ZNF536: variants seen among roughly 807,000 people sequenced by gnomAD.
ZNF536 encodes the protein zinc finger protein 536.
ZNF536 carries 13 observed loss-of-function variants against 84.5 expected under a neutral mutation model. The ratio of observed to expected loss-of-function variants is 0.15; its 90% CI spans 0.10 to 0.24. The LOEUF is 0.24. Among genes scored for constraint, ZNF536 ranks in the 10% least tolerant of loss-of-function variants. ZNF536 has a pLI of 1.00. For missense variants in ZNF536, 1,536 were observed against 1,747.5 expected (o/e 0.88, Z 2.16); for synonymous variants, 811 against 742.5 (o/e 1.09, Z -1.50).
At chr19:30,426,633 C>G (rs2051225698) in intron 1 of ZNF536, among the ~76,000 whole-genome samples, 2 of 152,162 alleles carry the variant, frequency 1.3e-5, no homozygotes, top group Non-Finnish European at 2.9e-5. Context: ...ATTTAATGAG[C>G]ACCCACGCCT....
intron 2 of ZNF536, among the ~76,000 whole-genome samples, chr19:30,285,146 C>T (rs2045582997): frequency 6.6e-6 from 1 of 152,164 alleles, no homozygotes; most frequent in South Asian, 2.1e-4. Flanking sequence ...ATTATATTAC[C>T]TTAGTAAAAC....
chr19:30,700,626 A>T (rs543126896), intron 1 of ZNF536, among the ~76,000 whole-genome samples: 1 of 152,226 alleles, frequency 6.6e-6, no homozygotes, highest in African/African-American at 2.4e-5. Context: ...GCCTCCAGCA[A>T]TCCTCCTGCC....
intron 1 of ZNF536, among the ~76,000 whole-genome samples, chr19:30,620,235 C>T (rs2048435388): frequency 6.6e-6 from 1 of 152,094 alleles, no homozygotes; most frequent in South Asian, 2.1e-4. Flanking sequence ...TGTGGTGCTG[C>T]CATAAGGGAA....
chr19:30,688,917 G>A (rs1027217999), intron 1 of ZNF536, among the ~76,000 whole-genome samples: 7 of 152,356 alleles, frequency 4.6e-5, no homozygotes, highest in African/African-American at 1.7e-4. Flanking sequence ...ACTGGCTGCA[G>A]AGAGGGTGGT....
At chr19:30,390,278 A>T (rs1402338588) in intron 1 of ZNF536, among the ~76,000 whole-genome samples, 1 of 152,220 alleles carries the variant, frequency 6.6e-6, no homozygotes, top group Admixed American at 6.5e-5. Flanking sequence ...TGGAACTTAT[A>T]AAATAAAAAA....
At chr19:30,377,681 G>T (rs1423677493) in intron 1 of ZNF536, among the ~76,000 whole-genome samples, 1 of 152,168 alleles carries the variant, frequency 6.6e-6, no homozygotes, top group Non-Finnish European at 1.5e-5. Flanking sequence ...TATTTTGCAA[G>T]AATTGATTTT....
rs1274042804 is a variant in ZNF536 at position 30,580,289 on chromosome 19, AC to A, written c.169+30776del. On this transcript the variant is annotated intron_variant, in intron 1 of 1. Transcript: ENST00000592773. The stretch of plus-strand genomic sequence containing the variant: ...CCCCTTATGCTTTCTGGTTTGTGCT[AC>A]AGGGAAGGGCCCATGCTGAAGAGAC... 7.9e-5 allele frequency among the ~76,000 whole-genome samples: 12 copies of A among 152,242 alleles called. No individual in the cohort carries two copies. In the East Asian group the frequency reaches 2.3e-3, roughly 29 times the overall value.
rs181541728 is a variant in ZNF536, at chr19:30,641,767, C to T, written c.170-68990C>T. Among the ~76,000 whole-genome samples the T allele has an allele frequency of 8.5e-5, 13 of 152,280 alleles. No individual in the cohort carries two copies. In the East Asian group the frequency reaches 1.9e-3, roughly 23 times the overall value. ...TACTCCTCAATGGGAGGTCACTTCC[C>T]GCCAAATCTCAAATCCAAGACAGGA... is the stretch of plus-strand genomic sequence containing the variant. On this transcript the variant is annotated intron_variant, in intron 1 of 1. Transcript: ENST00000592773.
chr19:30,267,332 G>A (rs1871416674), intron 1 of ZNF536, among the ~76,000 whole-genome samples: 1 of 152,046 alleles, frequency 6.6e-6, no homozygotes, highest in Admixed American at 6.5e-5. Context: ...ATATGTAACA[G>A]TGTGACTGTT....
intron 1 of ZNF536, among the ~76,000 whole-genome samples, chr19:30,609,731 C>T: frequency 6.6e-6 from 1 of 151,982 alleles, no homozygotes; most frequent in Non-Finnish European, 1.5e-5. Context: ...TCCATCCATC[C>T]ACCCATCCAT....
chr19:30,708,631 G>C (rs538350222), intron 1 of ZNF536, among the ~76,000 whole-genome samples: 13 of 152,192 alleles, frequency 8.5e-5, no homozygotes, highest in Non-Finnish European at 1.5e-4. Flanking sequence ...ACCTGGTTCT[G>C]AAGTCAGCAT....
chr19:30,226,527 G>A (rs1216743939), upstream of ZNF536, among the ~76,000 whole-genome samples: 15 of 152,086 alleles, frequency 9.9e-5, no homozygotes, highest in Admixed American at 7.2e-4. The surrounding 1 kb of genome is among the most constrained non-coding windows in gnomAD (Gnocchi z 4.6). Flanking sequence ...GCCAGGCTGA[G>A]GCCGGAGAGT....
At position 30,445,557 on chromosome 19, in the gene ZNF536, C is replaced by T. The variant is rs1267767541; in HGVS notation, c.1995C>T (p.His665=). 7 of 1,613,434 alleles carry T rather than the reference C, an allele frequency of 4.3e-6. No homozygotes were observed. Among genetic ancestry groups the T allele is most frequent in the South Asian group, 1.1e-5 (1 of 91,000 alleles). ...GCAAGGGCGAGGAGGATGGGCTGCA[C>T]GTGGGCCTGGATGAGCGGCGTGGCT... ...RDRKGEEDGL[H]VGLDERRGSG... Residue 665 remains histidine (H), a synonymous_variant, in exon 2 of 5, where the codon CAC becomes CAT. Coordinates refer to ENST00000355537, the MANE Select transcript of ZNF536 (RefSeq NM_014717.3). The surrounding 1 kb of genome is among the most constrained non-coding windows in gnomAD (Gnocchi z 4.5).
intron 1 of ZNF536, among the ~76,000 whole-genome samples, chr19:30,666,832 G>GTGTGTATATATA (rs71333464): frequency 6.7e-6 from 1 of 149,108 alleles, no homozygotes; most frequent in African/African-American, 2.5e-5. Flanking sequence ...GTGTGTGTGT[G>GTGTGTATATATA]TATATATATA....
intron 2 of ZNF536, among the ~76,000 whole-genome samples, chr19:30,522,252 G>GATATATGTATATATATGTATACAC: frequency 2.3e-5 from 1 of 44,406 alleles, no homozygotes; most frequent in Admixed American, 2.7e-4. Flanking sequence ...GGCAGAGCTG[G>GATATATGTATATATATGTATACAC]ATATATATAC....
intron 1 of ZNF536, among the ~76,000 whole-genome samples, chr19:30,646,088 C>A (rs1329591188): frequency 2.6e-5 from 4 of 152,030 alleles, no homozygotes; most frequent in Non-Finnish European, 5.9e-5. Flanking sequence ...GGGATTTCTG[C>A]CATTATTTTT....
chr19:30,274,747 C>T (rs970597484), intron 1 of ZNF536, among the ~76,000 whole-genome samples: 1 of 152,102 alleles, frequency 6.6e-6, no homozygotes, highest in African/African-American at 2.4e-5. Context: ...TCTGAACATT[C>T]GAGTGATATT....
At chr19:30,284,501 G>A (rs1301579777) in intron 2 of ZNF536, among the ~76,000 whole-genome samples, 2 of 152,234 alleles carry the variant, frequency 1.3e-5, no homozygotes, top group Non-Finnish European at 2.9e-5. Flanking sequence ...AGTGCCACCT[G>A]TGGTCGGGCT....
Position 30,667,855 on chromosome 19 carries a change from A to G in ZNF536, c.170-42902A>G, listed in dbSNP as rs576195650. Among the ~76,000 whole-genome samples the G allele has an allele frequency of 3.9e-5, 6 of 152,234 alleles. No individual in the cohort carries two copies. The South Asian group carries it at 1.2e-3, about 32-fold the overall frequency. ...GAGTGCTTGCAATGTGCTAAGAACT[A>G]TGCTGTGAAGGTCAAACCCTATAAG... On this transcript the variant is annotated intron_variant, in intron 1 of 1. Coordinates refer to the ZNF536 transcript ENST00000592773.
Sources: gnomAD v4.1 joint callset for allele counts (sites outside exome capture counted in the v4.1 genomes callset) on GRCh38, gnomAD v4.1.1 for gene constraint, Gnocchi (gnomAD v3.1) non-coding constraint, MANE v1.5 for transcripts, NCBI Gene and HGNC (gene_info 2026-07-23, HGNC 2026-07-21) for gene names.